The following PCDHGA4 variants were observed in gnomAD, a reference collection of about 807,000 sequenced individuals.
PCDHGA4 encodes the protein protocadherin gamma-A4.
A neutral mutation model predicts 54.6 loss-of-function variants in PCDHGA4; 38 were observed. The ratio of observed to expected loss-of-function variants is 0.70; its 90% CI spans 0.54 to 0.91. The LOEUF is 0.91. Ranked by LOEUF, PCDHGA4 falls within the 40% of genes least tolerant of loss-of-function variation. The pLI, the probability that PCDHGA4 is intolerant of heterozygous loss-of-function variation, is 0.00. For synonymous variants in PCDHGA4, 511 were observed against 512.9 expected, an observed-to-expected ratio of 1.00 and a Z score of 0.05; for missense variants, 1,298 against 1,220.9, an observed-to-expected ratio of 1.06 and a Z score of -0.94.
At chr5:141,399,063 A>C in intron 1 of PCDHGA4, 1 of 1,613,714 alleles carries the variant, frequency 6.2e-7, no homozygotes. Flanking sequence ...AGGAATATTC[A>C]ATGGTTGTAG....
intron 1 of PCDHGA4, chr5:141,410,694 T>C: frequency 6.7e-7 from 1 of 1,493,788 alleles, no homozygotes; most frequent in Non-Finnish European, 8.9e-7. Context: ...TACTACTTTA[T>C]TTTCATATCT....
chr5:141,437,444 G>A (rs957088733), intron 1 of PCDHGA4, among the ~76,000 whole-genome samples: 26 of 152,212 alleles, frequency 1.7e-4, no homozygotes, highest in Admixed American at 2.0e-4. Context: ...GCATAGGAAT[G>A]TTGAGGAGAC....
chr5:141,419,148 C>G, intron 1 of PCDHGA4: 1 of 1,613,940 alleles, frequency 6.2e-7, no homozygotes. Flanking sequence ...AGGGGCAAGC[C>G]TCCGTTATCC....
At chr5:141,433,848 A>AAC (rs1403081382) in intron 1 of PCDHGA4, among the ~76,000 whole-genome samples, 1 of 151,964 alleles carries the variant, frequency 6.6e-6, no homozygotes, top group South Asian at 2.1e-4. Context: ...AAAAAAAAAA[A>AAC]AAAAAAACTT....
intron 1 of PCDHGA4, among the ~76,000 whole-genome samples, chr5:141,469,909 C>G (rs760329158): frequency 2.0e-5 from 3 of 152,120 alleles, no homozygotes; most frequent in Non-Finnish European, 2.9e-5. Context: ...GGCAGGCAGA[C>G]CACCCGAGGT....
At chr5:141,409,137 T>G (rs748502213) in intron 1 of PCDHGA4, 1 of 1,613,936 alleles carries the variant, frequency 6.2e-7, no homozygotes, top group Non-Finnish European at 8.5e-7. Flanking sequence ...TTTGAAGATG[T>G]AGAAAGGTAC....
chr5:141,403,667 G>T (rs1386561971), intron 1 of PCDHGA4: 8 of 1,613,910 alleles, frequency 5.0e-6, no homozygotes, highest in Non-Finnish European at 6.8e-6. Flanking sequence ...AAATGATAAT[G>T]CCCCGGTTTT....
intron 1 of PCDHGA4, chr5:141,396,045 C>G (rs2093338007): frequency 6.6e-6 from 1 of 152,166 alleles, no homozygotes; most frequent in Non-Finnish European, 1.5e-5. Context: ...TATTTCAATA[C>G]AATTCCAATT....
Position 141,477,365 on chromosome 5 carries a change from C to T in PCDHGA4, c.2515-17442C>T, listed in dbSNP as rs754438240. On this transcript the variant is annotated intron_variant, in intron 1 of 3. Transcript: ENST00000571252. The surrounding 1 kb of genome is among the most constrained non-coding windows in gnomAD (Gnocchi z 4.9). ...TTTGAAAACCAGTGCAGACCTGGAT[C>T]GGGAGACTGTGCCAGAATACAACCT... The T allele has an allele frequency of 6.2e-7, 1 of 1,614,156 alleles. No homozygotes were observed. The highest frequency in any genetic ancestry group is 1.7e-5 in the Admixed American group (1 of 60,022).
intron 1 of PCDHGA4, chr5:141,367,869 G>A (rs1765370199): frequency 6.6e-6 from 1 of 152,012 alleles, no homozygotes; most frequent in Non-Finnish European, 1.5e-5. Context: ...AAGTGTAGGT[G>A]CAATTCTTCT....
intron 1 of PCDHGA4, chr5:141,417,619 C>A: frequency 1.5e-6 from 1 of 656,120 alleles, no homozygotes; most frequent in South Asian, 2.4e-5. Flanking sequence ...CAGTGCAGAG[C>A]AAGCGCTGAC....
chr5:141,485,888 G>T lies in PCDHGA4; in HGVS notation c.2515-8919G>T, dbSNP rs1166795987. 3 of 1,614,028 alleles carry T rather than the reference G, an allele frequency of 1.9e-6. No homozygotes were observed. The highest frequency in any genetic ancestry group is 2.5e-6 in the Non-Finnish European group (3 of 1,180,032). ...ATCCGTGCTGGACGTAAACGACAAC[G>T]CCCCAGCCTTCCAGCAATCCAGCTA... On this transcript the variant is annotated intron_variant, in intron 1 of 3. Coordinates refer to ENST00000571252, the MANE Select transcript of PCDHGA4 (RefSeq NM_018917.4). The surrounding 1 kb of genome is among the most constrained non-coding windows in gnomAD (Gnocchi z 5.7).
rs779949480 is a variant in PCDHGA4, at chr5:141,489,768, C to G, written c.2515-5039C>G. The G allele has an allele frequency of 6.2e-7, 1 of 1,614,134 alleles. No individual in the cohort carries two copies. The highest frequency in any genetic ancestry group is 1.1e-5 in the South Asian group (1 of 91,072). On this transcript the variant is annotated intron_variant, in intron 1 of 3. Coordinates refer to ENST00000571252, the MANE Select transcript of PCDHGA4 (RefSeq NM_018917.4). The surrounding 1 kb of genome is among the most constrained non-coding windows in gnomAD (Gnocchi z 4.5). ...GCTTTTACACTCTAAGCCCCAACAG[C>G]CACTTCTCTCTGAATGTGAAGACCC...
At chr5:141,360,817 A>C (rs772114545) in intron 1 of PCDHGA4, 1 of 1,614,006 alleles carries the variant, frequency 6.2e-7, no homozygotes, top group South Asian at 1.1e-5. Context: ...CACGACCCAA[A>C]TCCGAATCAA....
In PCDHGA4 at chr5:141,419,703, G is replaced by C. The variant is rs2096418539; in HGVS notation, c.2514+62082G>C. 1 of 1,612,946 alleles carries C rather than the reference G, an allele frequency of 6.2e-7. No individual in the cohort carries two copies. The highest frequency in any genetic ancestry group is 1.3e-5 in the African/African-American group (1 of 74,946). The stretch of plus-strand genomic sequence containing the variant: ...CACGTGGTGCAGGCCAGTGAGCCCG[G>C]GCTCTTCAGCCTGGGGCTGCGAACA... On this transcript the variant is annotated intron_variant, in intron 1 of 3. Coordinates refer to ENST00000571252, the MANE Select transcript of PCDHGA4 (RefSeq NM_018917.4).
intron 1 of PCDHGA4, among the ~76,000 whole-genome samples, chr5:141,456,266 C>G (rs1273258132): frequency 6.6e-6 from 1 of 152,128 alleles, no homozygotes; most frequent in Non-Finnish European, 1.5e-5. Context: ...TTGCTTCTGG[C>G]TACTTCCTGC....
Position 141,415,740 on chromosome 5 carries a change from G to GTTTTTTTTTTTTTTT in PCDHGA4, c.2514+58137_2514+58151dup, listed in dbSNP as rs57426385. 67 of 625,038 alleles carry GTTTTTTTTTTTTTTT rather than the reference G, an allele frequency of 1.1e-4. 1 individual carries two copies. Among genetic ancestry groups the GTTTTTTTTTTTTTTT allele is most frequent in the African/African-American group, 2.5e-4 (10 of 39,932 alleles). The allele number at this position is 625,038 out of a possible 1,614,324, so 38.7% of individuals were successfully genotyped here. A position where few individuals can be genotyped will look rare whatever the true frequency, so the allele number is the denominator to read the frequency against. ...TGAGTAGAATTTGATGTTTATTAAG[G>GTTTTTTTTTTTTTTT]TTTTTTTTTTTTTTTTTTTTTTTTT... On this transcript the variant is annotated intron_variant, in intron 1 of 3. Coordinates refer to ENST00000571252, the MANE Select transcript of PCDHGA4 (RefSeq NM_018917.4).
chr5:141,410,269 G>A, intron 1 of PCDHGA4: 1 of 1,614,060 alleles, frequency 6.2e-7, no homozygotes, highest in Non-Finnish European at 8.5e-7. Flanking sequence ...CTGAACTGCA[G>A]TTTTACCTGG....
chr5:141,365,428 C>A (rs1588613200), intron 1 of PCDHGA4: 1 of 1,613,992 alleles, frequency 6.2e-7, no homozygotes, highest in Non-Finnish European at 8.5e-7. Flanking sequence ...GAACTGTAAT[C>A]GCGCTGTTTA....
Sources: allele counts gnomAD v4.1 joint callset (sites outside exome capture counted in the v4.1 genomes callset), GRCh38; gene constraint gnomAD v4.1.1; non-coding constraint Gnocchi (gnomAD v3.1); transcripts MANE v1.5; gene names NCBI Gene and HGNC (gene_info 2026-07-23, HGNC 2026-07-21).